The following ZFC3H1 variants were observed in gnomAD, a reference collection of about 807,000 sequenced individuals.
ZFC3H1 encodes the protein zinc finger C3H1 domain-containing protein.
ZFC3H1 carries 71 observed loss-of-function variants against 243.7 expected under a neutral mutation model. That is an observed-to-expected ratio of 0.29 (90% confidence interval 0.24 to 0.36). ZFC3H1 has a LOEUF of 0.36. Ranked by LOEUF, ZFC3H1 falls within the 10% of genes least tolerant of loss-of-function variation. The pLI, the probability that ZFC3H1 is intolerant of heterozygous loss-of-function variation, is 1.00. For missense variants in ZFC3H1, 1,966 were observed against 2,317.1 expected (o/e 0.85, Z 3.11); for synonymous variants, 838 against 813.0 (o/e 1.03, Z -0.52).
Position 71,627,804 on chromosome 12 carries a change from A to T in ZFC3H1, c.4077T>A (p.Ser1359=). Residue 1359 remains serine (S), a synonymous_variant, in exon 21 of 35, where the codon TCT becomes TCA. Transcript: ENST00000378743. Reference sequence around the variant, plus strand: ...CAAGCTTGAGCCAAAGTTGTACATGAGAAGGATTTTCAAGCACACTTGCTT... The same window carrying T: ...CAAGCTTGAGCCAAAGTTGTACATGTGAAGGATTTTCAAGCACACTTGCTT... ...NLEASVLENP[S]HVQLWLKLAY... is the part of the protein sequence containing the mutation. The T allele has an allele frequency of 6.2e-7, 1 of 1,613,866 alleles. No homozygotes were observed. Among genetic ancestry groups the T allele is most frequent in the Non-Finnish European group, 8.5e-7 (1 of 1,179,876 alleles).
chr12:71,611,936 AC>A (rs998228241), intron 31 of ZFC3H1, 49 bp from the exon 32 acceptor site: 1 of 1,175,978 alleles, frequency 8.5e-7, no homozygotes, highest in African/African-American at 1.5e-5. Flanking sequence ...AGTGTAACGA[AC>A]CCCAAATGTG....
chr12:71,653,445 A>T (rs1159578979), intron 2 of ZFC3H1, among the ~76,000 whole-genome samples: 2 of 152,176 alleles, frequency 1.3e-5, no homozygotes, highest in Non-Finnish European at 2.9e-5. Context: ...AGTTCCAAAA[A>T]AGAGAGAGAA....
Position 71,663,754 on chromosome 12 carries a change from TCCCCGCAC to T in ZFC3H1, c.-152_-145del, listed in dbSNP as rs1046951873. 5 of 919,176 alleles carry T rather than the reference TCCCCGCAC, an allele frequency of 5.4e-6. No homozygotes were observed. The highest frequency in any genetic ancestry group is 3.4e-4 in the Middle Eastern group (1 of 2,914). 56.9% of individuals were successfully genotyped at this position (919,176 alleles called of 1,614,324 possible). ...ACCAAGCGGCCTCTGCTCCCCAACT[TCCCCGCAC>T]CCCAGCACCCCAGCTCTCTCTCGCC... On this transcript the variant is annotated 5_prime_UTR_variant, in exon 1 of 35. Transcript: ENST00000378743.
chr12:71,661,936 C>T (rs1303731556), intron 1 of ZFC3H1, among the ~76,000 whole-genome samples: 2 of 152,172 alleles, frequency 1.3e-5, no homozygotes, highest in Admixed American at 1.3e-4. Context: ...TGAGAAAGAC[C>T]TATTCTGGAC....
chr12:71,654,717 G>A (rs1253714249), intron 2 of ZFC3H1, among the ~76,000 whole-genome samples: 1 of 151,984 alleles, frequency 6.6e-6, no homozygotes, highest in Non-Finnish European at 1.5e-5. Flanking sequence ...AAAACCAAAT[G>A]TCAATAATCA....
chr12:71,611,670 A>T (rs1236286909), intron 32 of ZFC3H1, 116 bp downstream of exon 32: 2 of 177,828 alleles, frequency 1.1e-5, no homozygotes, highest in Non-Finnish European at 1.1e-5. Flanking sequence ...GAAAAAAAAA[A>T]AAAAAAATAT....
chr12:71,613,466 T>C (rs751271524), intron 30 of ZFC3H1, 31 bp from the exon 31 acceptor site: 7 of 1,508,938 alleles, frequency 4.6e-6, no homozygotes, highest in East Asian at 2.3e-5. Context: ...GAAAAATGAA[T>C]GCAACCAAAA....
At chr12:71,634,921 G>C (rs1880422800) in intron 10 of ZFC3H1, 96 bp from the exon 11 acceptor site, 36 of 1,339,958 alleles carry the variant, frequency 2.7e-5, no homozygotes, top group Non-Finnish European at 3.4e-5. Context: ...AGTGTATACT[G>C]AATTTATTTA....
intron 1 of ZFC3H1, 66 bp from the exon 2 acceptor site, chr12:71,657,367 T>TA: frequency 1.8e-6 from 2 of 1,134,368 alleles, no homozygotes; most frequent in Non-Finnish European, 2.4e-6. Context: ...CAAAAAAACT[T>TA]AGATTATAGA....
At chr12:71,645,565 T>C (rs1012864189) in intron 3 of ZFC3H1, among the ~76,000 whole-genome samples, 1 of 152,170 alleles carries the variant, frequency 6.6e-6, no homozygotes, top group Non-Finnish European at 1.5e-5. Context: ...CAAATTTTCT[T>C]TTATGTGTAT....
Position 71,630,714 on chromosome 12 carries a change from T to C in ZFC3H1, c.3610A>G (p.Ile1204Val). Residue 1204 changes from isoleucine to valine, a missense_variant, in exon 18 of 35, where the codon ATA (isoleucine) becomes GTA (valine). Physicochemically the swap from Ile to Val is conservative, Grantham distance 29 (BLOSUM62 3). This residue lies in a region of ZFC3H1 where 1,383 missense variants were observed against 1,723.7 expected (regional missense o/e 0.80). Coordinates refer to ENST00000378743, the MANE Select transcript of ZFC3H1 (RefSeq NM_144982.5). ...TTTCGGCTAAGTGTATAGTCTTGTA[T>C]ATGCTGCCTAAGATAAAAAAAAACA... ...CNDDDCQWQH[I>V]QDYTLSRKQL... 6.2e-7 allele frequency: 1 copy of C among 1,610,312 alleles called. No individual in the cohort carries two copies. The highest frequency in any genetic ancestry group is 1.3e-5 in the African/African-American group (1 of 74,720).
At chr12:71,652,041 G>A (rs1304545366) in intron 2 of ZFC3H1, among the ~76,000 whole-genome samples, 1 of 152,048 alleles carries the variant, frequency 6.6e-6, no homozygotes, top group Non-Finnish European at 1.5e-5. Context: ...GCTTGTATAC[G>A]GACAATAATA....
Position 71,663,331 on chromosome 12 carries a change from C to G in ZFC3H1, c.280G>C (p.Glu94Gln), listed in dbSNP as rs1007201129. The G allele has an allele frequency of 2.5e-6, 4 of 1,613,168 alleles. No homozygotes were observed. Among genetic ancestry groups the G allele is most frequent in the Non-Finnish European group, 3.4e-6 (4 of 1,180,050 alleles). The part of the protein sequence containing the change: ...RNFSRSRHAS[E>Q]RGHLRGPSSY... Reference sequence around the variant, plus strand: ...CTGGGTCCCCTGAGGTGGCCCCGCTCAGACGCGTGCCGCGAGCGTGAGAAA... The same window carrying G: ...CTGGGTCCCCTGAGGTGGCCCCGCTGAGACGCGTGCCGCGAGCGTGAGAAA... The change falls in exon 1 of 35, where the codon GAG (glutamate) becomes CAG (glutamine). Residue 94 changes from glutamate (E) to glutamine (Q), a missense_variant. Coordinates refer to ENST00000378743, the MANE Select transcript of ZFC3H1 (RefSeq NM_144982.5).
At chr12:71,655,698 G>C (rs1880999052) in intron 2 of ZFC3H1, among the ~76,000 whole-genome samples, 1 of 152,050 alleles carries the variant, frequency 6.6e-6, no homozygotes, top group Non-Finnish European at 1.5e-5. Context: ...ACTTTTATCA[G>C]CAAGATCTAC....
rs1187170491 is a variant in ZFC3H1, at chr12:71,636,538, C to T, written c.2052G>A (p.Gln684=). The stretch of plus-strand genomic sequence containing the variant: ...GGGGTCCTCTGTGAAACTTTGGATT[C>T]TGTATCCTAGGCTGAGACACTGTGT... ...SINTVSQPRI[Q]NPKFHRGPRL... is the part of the protein sequence containing the mutation. Residue 684 remains glutamine, a synonymous_variant, in exon 9 of 35, where the codon CAG becomes CAA. Transcript: ENST00000378743. 6.2e-7 allele frequency: 1 copy of T among 1,610,946 alleles called. No individual in the cohort carries two copies. The highest frequency in any genetic ancestry group is 2.2e-5 in the East Asian group (1 of 44,556).
intron 9 of ZFC3H1, 124 bp downstream of exon 9, chr12:71,636,366 G>GT: frequency 1.5e-6 from 1 of 662,602 alleles, no homozygotes; most frequent in Non-Finnish European, 2.2e-6. Context: ...TTAAAAATTT[G>GT]TATTTATATG....
intron 27 of ZFC3H1, among the ~76,000 whole-genome samples, chr12:71,616,165 A>C (rs1367386753): frequency 6.6e-6 from 1 of 152,052 alleles, no homozygotes; most frequent in African/African-American, 2.4e-5. Flanking sequence ...AGGTGTGGTG[A>C]TGCACACCTA....
intron 27 of ZFC3H1, among the ~76,000 whole-genome samples, chr12:71,615,598 C>T (rs150094563): frequency 1.3e-5 from 2 of 152,246 alleles, no homozygotes; most frequent in Non-Finnish European, 2.9e-5. Context: ...CTCATTGCAA[C>T]CTCCACCTCC....
At chr12:71,620,580 G>C (rs1257183900) in intron 24 of ZFC3H1, among the ~76,000 whole-genome samples, 1 of 151,954 alleles carries the variant, frequency 6.6e-6, no homozygotes, top group African/African-American at 2.4e-5. Flanking sequence ...GCATCTATCA[G>C]TGTTTTCATT....
Sources: allele counts gnomAD v4.1 joint callset (sites outside exome capture counted in the v4.1 genomes callset), GRCh38; gene constraint gnomAD v4.1.1; regional missense constraint gnomAD v4.1.1; transcripts MANE v1.5; gene names NCBI Gene and HGNC (gene_info 2026-07-23, HGNC 2026-07-21).